ZNF500: variants seen among roughly 807,000 people sequenced by gnomAD.
ZNF500 encodes the protein zinc finger protein with KRAB and SCAN domains 18.
ZNF500 carries 31 observed loss-of-function variants against 30.1 expected under a neutral mutation model. That is an observed-to-expected ratio of 1.03 (90% CI 0.77 to 1.39). ZNF500 has a LOEUF of 1.39. ZNF500 is among the 40% of genes most tolerant of loss of function. The pLI is 0.00. For synonymous variants in ZNF500, 392 were observed against 282.0 expected, an observed-to-expected ratio of 1.39 and a Z score of -3.91; for missense variants, 817 against 657.8, an observed-to-expected ratio of 1.24 and a Z score of -2.65.
intron 1 of ZNF500, 105 bp from the exon 2 acceptor site, chr16:4,766,181 T>C (rs977622279): frequency 2.8e-5 from 14 of 498,488 alleles, no homozygotes; most frequent in Middle Eastern, 5.2e-4. Flanking sequence ...CACCCCACCA[T>C]GGAAAAGGAA....
intron 3 of ZNF500, 34 bp downstream of exon 3, chr16:4,762,539 C>G: frequency 6.3e-7 from 1 of 1,585,906 alleles, no homozygotes. Context: ...CTCCCCTGCA[C>G]CACTTCTCAT....
At chr16:4,764,147 G>A (rs2082237242) in intron 2 of ZNF500, 7 of 954,924 alleles carry the variant, frequency 7.3e-6, no homozygotes, top group Non-Finnish European at 8.7e-6. Context: ...GGTCCTGTCT[G>A]TGCCATCCAG....
downstream of ZNF500, chr16:4,746,151 T>TA: frequency 4.1e-6 from 2 of 486,486 alleles, no homozygotes; most frequent in Middle Eastern, 1.1e-3. Flanking sequence ...TTACCACAGA[T>TA]AGAGAGCATG....
chr16:4,745,434 G>A (rs2082002708), downstream of ZNF500, among the ~76,000 whole-genome samples: 1 of 152,192 alleles, frequency 6.6e-6, no homozygotes, highest in Non-Finnish European at 1.5e-5. Flanking sequence ...GGGTGGAAGG[G>A]CAACAGCCAC....
In ZNF500 at chr16:4,751,538, A is replaced by C. The variant is rs1596492843; in HGVS notation, c.*838T>G. On this transcript the variant is annotated 3_prime_UTR_variant, in exon 6 of 6. Coordinates refer to ENST00000219478, the MANE Select transcript of ZNF500 (RefSeq NM_021646.4). ...CTGCAGAGCCCCGGGCTCCATTTGG[A>C]AACTCTGGCAGGATGAAGAAGCTGG... The C allele has an allele frequency of 6.6e-7, 1 of 1,525,926 alleles. No individual in the cohort carries two copies. Among genetic ancestry groups the C allele is most frequent in the East Asian group, 2.4e-5 (1 of 40,834 alleles). The allele number at this position is 1,525,926 out of a possible 1,614,324, so 94.5% of individuals were successfully genotyped here. A position where few individuals can be genotyped will look rare whatever the true frequency, so the allele number is the denominator to read the frequency against.
chr16:4,747,536 C>T (rs2082034054), downstream of ZNF500: 1 of 1,613,032 alleles, frequency 6.2e-7, no homozygotes, highest in South Asian at 1.1e-5. Context: ...CCAGGCTCGA[C>T]TCCCAAGAGG....
chr16:4,763,258 C>A (rs2082227269), intron 2 of ZNF500: 4 of 396,638 alleles, frequency 1.0e-5, no homozygotes, highest in African/African-American at 2.2e-5. Context: ...ATTAGCCAGG[C>A]ATGGTGGCAG....
Position 4,751,418 on chromosome 16 carries a change from A to C in ZNF500, c.*958T>G. On this transcript the variant is annotated 3_prime_UTR_variant, in exon 6 of 6. Transcript: ENST00000219478. ...ATGTCAGGCCCGTCACATCCCAGGC[A>C]ACATGTCAGGAAGATGGAACTCAGG... is the stretch of plus-strand genomic sequence containing the variant. 1.5e-6 allele frequency: 1 copy of C among 673,494 alleles called. No homozygotes were observed. The highest frequency in any genetic ancestry group is 2.0e-5 in the South Asian group (1 of 49,954). 41.7% of individuals were successfully genotyped at this position (673,494 alleles called of 1,614,324 possible). A position where few individuals can be genotyped will look rare whatever the true frequency, so the allele number is the denominator to read the frequency against.
intron 5 of ZNF500, among the ~76,000 whole-genome samples, chr16:4,754,398 G>A (rs2082115153): frequency 6.6e-6 from 1 of 152,164 alleles, no homozygotes; most frequent in Admixed American, 6.5e-5. Context: ...GGTGGCTCAT[G>A]CCTGTAATCC....
chr16:4,760,072 C>T (rs1018308442), intron 5 of ZNF500, among the ~76,000 whole-genome samples: 11 of 152,102 alleles, frequency 7.2e-5, no homozygotes, highest in Non-Finnish European at 1.0e-4. Flanking sequence ...CCAGAAAAGG[C>T]TTCAGCAGCA....
chr16:4,752,721 G>A lies in ZNF500; in HGVS notation c.1098C>T (p.Ser366=). 1.2e-6 allele frequency: 2 copies of A among 1,614,222 alleles called. No homozygotes were observed. The highest frequency in any genetic ancestry group is 1.7e-6 in the Non-Finnish European group (2 of 1,180,032). ...GCACCCTCTGGTGCGTGCTGAAGTT[G>A]GAGCGGTCGCTAAAGCCCTTCCCAC... ...LVCGKGFSDR[S]NFSTHQRVHT... Residue 366 remains serine (S), a synonymous_variant, in exon 6 of 6, where the codon TCC becomes TCT. Coordinates refer to ENST00000219478, the MANE Select transcript of ZNF500 (RefSeq NM_021646.4).
chr16:4,745,068 TG>T (rs1204465321), downstream of ZNF500: 1 of 1,574,758 alleles, frequency 6.4e-7, no homozygotes, highest in Non-Finnish European at 8.7e-7. Flanking sequence ...CCCATGGTTT[TG>T]TAGCACTGAC....
chr16:4,746,591 T>A (rs2082020257), downstream of ZNF500: 1 of 1,491,992 alleles, frequency 6.7e-7, no homozygotes, highest in African/African-American at 1.4e-5. Context: ...CTCTGGTGGA[T>A]CCTGATGGGG....
chr16:4,765,414 G>A (rs1596508398), intron 2 of ZNF500, 151 bp downstream of exon 2: 1 of 1,096,532 alleles, frequency 9.1e-7, no homozygotes, highest in Non-Finnish European at 1.3e-6. Flanking sequence ...CATTAGCCAA[G>A]GCTGAGAAAT....
Position 4,762,762 on chromosome 16 carries a change from CACAG to C in ZNF500, c.415-10_415-7del. 4.4e-6 allele frequency: 7 copies of C among 1,588,674 alleles called. No homozygotes were observed. The highest frequency in any genetic ancestry group is 1.1e-5 in the South Asian group (1 of 88,670). ...TCAGAAAGCAGCTCTGAGCCCTGCACACAGACAGTGATCTCCCCACCAGCTCCCA... is the reference window on the plus strand; with the variant it reads ...TCAGAAAGCAGCTCTGAGCCCTGCACACAGTGATCTCCCCACCAGCTCCCA... On this transcript the variant is annotated splice_polypyrimidine_tract_variant and splice_region_variant and intron_variant, in intron 2 of 5. Coordinates refer to ENST00000219478, the MANE Select transcript of ZNF500 (RefSeq NM_021646.4).
In ZNF500 at chr16:4,752,509, T is replaced by G; in HGVS notation, c.1310A>C (p.Tyr437Ser). The change falls in exon 6 of 6, where the codon TAC becomes TCC. Residue 437 changes from tyrosine to serine, a missense_variant. By Grantham distance (144) the Tyr-to-Ser change is moderately radical. Transcript: ENST00000219478. ...HRRTHTGEKP[Y>S]TCPACGRGFR... ...GCCCCGGCCACAGGCCGGGCAGGTG[T>G]AGGGCTTCTCACCTGTGTGCGTCCG... 1 of 1,556,922 alleles carries G rather than the reference T, an allele frequency of 6.4e-7. No homozygotes were observed. Among genetic ancestry groups the G allele is most frequent in the Non-Finnish European group, 8.6e-7 (1 of 1,156,100 alleles).
chr16:4,760,977 A>C (rs1173103970), intron 4 of ZNF500, among the ~76,000 whole-genome samples: 2 of 152,096 alleles, frequency 1.3e-5, no homozygotes, highest in African/African-American at 2.4e-5. Context: ...TGGCTCCCAG[A>C]TGTAGCACCA....
chr16:4,753,139 C>A (rs2082103241), intron 5 of ZNF500, 81 bp from the exon 6 acceptor site: 1 of 1,478,354 alleles, frequency 6.8e-7, no homozygotes, highest in Admixed American at 2.4e-5. Context: ...ATGAAGGCCT[C>A]ACAGGGCTCC....
rs749683760 is a variant in ZNF500 at position 4,752,779 on chromosome 16, T to G, written c.1040A>C (p.His347Pro). The G allele has an allele frequency of 6.2e-7, 1 of 1,614,206 alleles. No individual in the cohort carries two copies. The highest frequency in any genetic ancestry group is 1.7e-5 in the Admixed American group (1 of 60,024). Reference protein sequence around the residue: ...TSHLTKHQRTHTGERPYKCLV... With the variant: ...TSHLTKHQRTPTGERPYKCLV... ...GCACTTGTAAGGCCGCTCGCCCGTG[T>G]GTGTGCGCTGGTGCTTGGTCAAGTG... is the stretch of plus-strand genomic sequence containing the variant. The change falls in exon 6 of 6, where the codon CAC becomes CCC. Residue 347 changes from histidine to proline, a missense_variant. Coordinates refer to ENST00000219478, the MANE Select transcript of ZNF500 (RefSeq NM_021646.4).
Sources: allele counts gnomAD v4.1 joint callset (sites outside exome capture counted in the v4.1 genomes callset), GRCh38; gene constraint gnomAD v4.1.1; transcripts MANE v1.5; gene names NCBI Gene and HGNC (gene_info 2026-07-23, HGNC 2026-07-21).